The following EPHA3 variants were observed in gnomAD, a reference collection of about 807,000 sequenced individuals.
The protein encoded by EPHA3 is ephrin type-A receptor 3.
In EPHA3, 42 loss-of-function variants were observed where a neutral mutation model predicts 107.1. The ratio of observed to expected loss-of-function variants is 0.39; its 90% CI spans 0.31 to 0.51. The LOEUF (loss-of-function observed/expected upper bound fraction) is 0.51. Among genes scored for constraint, EPHA3 ranks in the 20% least tolerant of loss-of-function variants. EPHA3 has a pLI of 0.78. For missense variants in EPHA3, 1,183 were observed against 1,211.2 expected, an observed-to-expected ratio of 0.98 and a Z score of 0.35; for synonymous variants, 461 against 424.8, an observed-to-expected ratio of 1.09 and a Z score of -1.05.
chr3:89,133,786 G>A (rs1234479437), intron 2 of EPHA3, among the ~76,000 whole-genome samples: 1 of 152,030 alleles, frequency 6.6e-6, no homozygotes, highest in Non-Finnish European at 1.5e-5. Flanking sequence ...TTGAAGTAAT[G>A]GCTTCACCGG....
chr3:89,234,393 C>G (rs1374507801), intron 3 of EPHA3, among the ~76,000 whole-genome samples: 1 of 152,090 alleles, frequency 6.6e-6, no homozygotes, highest in Non-Finnish European at 1.5e-5. Flanking sequence ...GTTTGGAAAA[C>G]TAATTATTTG....
At chr3:89,299,776 A>T (rs1706440448) in intron 3 of EPHA3, among the ~76,000 whole-genome samples, 1 of 152,058 alleles carries the variant, frequency 6.6e-6, no homozygotes, top group African/African-American at 2.4e-5. Flanking sequence ...AAGAAAATGT[A>T]TTGGGCAGGA....
chr3:89,262,651 A>T (rs1005614404), intron 3 of EPHA3, among the ~76,000 whole-genome samples: 1 of 152,244 alleles, frequency 6.6e-6, no homozygotes, highest in Admixed American at 6.5e-5. Context: ...GATGCGTGAC[A>T]GGGGTGCCTT....
intron 2 of EPHA3, among the ~76,000 whole-genome samples, chr3:89,198,274 T>C (rs1490359693): frequency 6.6e-6 from 1 of 152,214 alleles, no homozygotes; most frequent in Non-Finnish European, 1.5e-5. Context: ...TATTTGCTGC[T>C]TCCCAAGTGG....
chr3:89,280,025 CTGTGTGTGTGTG>C (rs59488710), intron 3 of EPHA3, among the ~76,000 whole-genome samples: 2 of 144,672 alleles, frequency 1.4e-5, no homozygotes, highest in African/African-American at 2.5e-5. Context: ...TTGTGTGCAC[CTGTGTGTGTGTG>C]TGTGTGTGTG....
At chr3:89,340,218 AAC>A (rs1271651631) in intron 3 of EPHA3, among the ~76,000 whole-genome samples, 1 of 152,220 alleles carries the variant, frequency 6.6e-6, no homozygotes, top group Non-Finnish European at 1.5e-5. Context: ...TTAAAAAGAT[AAC>A]ACAGTTATTA....
intron 1 of EPHA3, among the ~76,000 whole-genome samples, chr3:89,121,755 CA>C (rs11342577): frequency 0.88 from 117,564 of 133,134 alleles, 51,657 homozygotes; most frequent in Non-Finnish European, 0.91. Flanking sequence ...GACCCCGTCT[CA>C]AAAAAAAAAA....
At chr3:89,121,163 T>TAGGC (rs1374959355) in intron 1 of EPHA3, among the ~76,000 whole-genome samples, 7 of 151,952 alleles carry the variant, frequency 4.6e-5, no homozygotes, top group Admixed American at 4.6e-4. Context: ...GTGAACCTGT[T>TAGGC]AGGCGGAGCT....
chr3:89,141,185 GA>G, intron 2 of EPHA3, among the ~76,000 whole-genome samples: 1 of 151,636 alleles, frequency 6.6e-6, no homozygotes, highest in East Asian at 2.0e-4. Flanking sequence ...AAGTTTAGTG[GA>G]AAAGACCAAT....
intron 3 of EPHA3, among the ~76,000 whole-genome samples, chr3:89,215,492 A>G (rs754081425): frequency 3.9e-5 from 6 of 151,914 alleles, no homozygotes; most frequent in Non-Finnish European, 5.9e-5. Flanking sequence ...TTTGTTCTGT[A>G]TATACTGCAA....
chr3:89,251,430 A>C (rs906858791), intron 3 of EPHA3, among the ~76,000 whole-genome samples: 1 of 152,090 alleles, frequency 6.6e-6, no homozygotes, highest in Admixed American at 6.5e-5. Context: ...TTTATCATAT[A>C]TAAATTGAAA....
chr3:89,374,080 C>T (rs1708355733), intron 5 of EPHA3, among the ~76,000 whole-genome samples: 1 of 151,842 alleles, frequency 6.6e-6, no homozygotes, highest in African/African-American at 2.4e-5. Context: ...TCTCCACACA[C>T]ACACATACTC....
chr3:89,252,900 T>C (rs1459969241), intron 3 of EPHA3, among the ~76,000 whole-genome samples: 2 of 150,460 alleles, frequency 1.3e-5, no homozygotes, highest in African/African-American at 4.9e-5. Context: ...TTTAATGGAA[T>C]AGTATAAAAG....
In EPHA3 at chr3:89,419,346, T is replaced by G; in HGVS notation, c.2030T>G (p.Phe677Cys). The G allele has an allele frequency of 3.1e-6, 5 of 1,609,604 alleles. No individual in the cohort carries two copies. Among genetic ancestry groups the G allele is most frequent in the Non-Finnish European group, 3.4e-6 (4 of 1,177,372 alleles). ...FLGEASIMGQ[F>C]DHPNIIRLEG... Reference sequence around the variant, plus strand: ...GGAGAAGCAAGCATTATGGGACAGTTTGACCACCCCAATATCATTCGACTG... The same window carrying G: ...GGAGAAGCAAGCATTATGGGACAGTGTGACCACCCCAATATCATTCGACTG... The change falls in exon 11 of 17, where the codon TTT (phenylalanine) becomes TGT (cysteine). Residue 677 changes from phenylalanine (F) to cysteine (C), a missense_variant. Phe to Cys is a radical substitution (Grantham distance 205). Transcript: ENST00000336596.
chr3:89,422,044 T>C (rs1463158565), intron 11 of EPHA3, among the ~76,000 whole-genome samples: 1 of 151,348 alleles, frequency 6.6e-6, no homozygotes, highest in Non-Finnish European at 1.5e-5. Context: ...ATCCCAGTCA[T>C]CTCATATATT....
intron 3 of EPHA3, among the ~76,000 whole-genome samples, chr3:89,323,792 A>G (rs1027388243): frequency 6.6e-6 from 1 of 152,086 alleles, no homozygotes; most frequent in Non-Finnish European, 1.5e-5. Context: ...GCAATATTTT[A>G]TTGAATTATT....
chr3:89,184,927 G>T (rs1576212446), intron 2 of EPHA3, among the ~76,000 whole-genome samples: 2 of 152,026 alleles, frequency 1.3e-5, no homozygotes, highest in Non-Finnish European at 2.9e-5. Flanking sequence ...AGGGAGATTG[G>T]CATGTCTGGT....
chr3:89,459,818 C>G (rs1366428392), intron 15 of EPHA3, among the ~76,000 whole-genome samples: 1 of 152,108 alleles, frequency 6.6e-6, no homozygotes, highest in Non-Finnish European at 1.5e-5. Context: ...CCACCACATC[C>G]AGCCCAAAGG....
At chr3:89,146,260 A>C (rs958662148) in intron 2 of EPHA3, among the ~76,000 whole-genome samples, 32 of 151,814 alleles carry the variant, frequency 2.1e-4, no homozygotes, top group Non-Finnish European at 5.9e-5. Context: ...TATCAGACTA[A>C]CTGCTGCAGT....
Sources: allele counts gnomAD v4.1 joint callset (sites outside exome capture counted in the v4.1 genomes callset), GRCh38; gene constraint gnomAD v4.1.1; transcripts MANE v1.5; gene names NCBI Gene and HGNC (gene_info 2026-07-23, HGNC 2026-07-21).